The following KCNJ16 variants were observed in gnomAD, a reference collection of about 807,000 sequenced individuals.
KCNJ16 encodes inward rectifier potassium channel 16.
Under a neutral mutation model 18.5 loss-of-function variants are expected in KCNJ16, and 15 were observed. The observed-to-expected ratio is 0.81, with a 90% CI of 0.54 to 1.25. KCNJ16 has a LOEUF of 1.25. Ranked by LOEUF, KCNJ16 falls within the 50% of genes most tolerant of loss-of-function variation. The probability of loss-of-function intolerance (pLI) is 0.00; values close to 1 mark genes in which losing one functional copy is unlikely to be tolerated. For missense variants in KCNJ16, 523 were observed against 525.7 expected, an observed-to-expected ratio of 0.99 and a Z score of 0.05; for synonymous variants, 174 against 186.5, an observed-to-expected ratio of 0.93 and a Z score of 0.55.
chr17:70,092,557 GATGATAGAT>G (rs72019629), intron 1 of KCNJ16, among the ~76,000 whole-genome samples: 2,330 of 74,284 alleles, frequency 0.031, 63 homozygotes, highest in East Asian at 0.036. Flanking sequence ...GATATAGATA[GATGATAGAT>G]ATAGATAGAT....
intron 2 of KCNJ16, 26 bp downstream of exon 2, chr17:70,100,792 T>C (rs907160387): frequency 6.6e-6 from 1 of 152,194 alleles, no homozygotes; most frequent in South Asian, 2.1e-4. Flanking sequence ...AATTTTAACA[T>C]GATTCTCCGA....
chr17:70,075,702 T>C (rs2071276060), intron 1 of KCNJ16, among the ~76,000 whole-genome samples: 1 of 152,178 alleles, frequency 6.6e-6, no homozygotes. Flanking sequence ...ATTATATTCA[T>C]ACCACATGGA....
intron 2 of KCNJ16, among the ~76,000 whole-genome samples, chr17:70,117,434 A>AC (rs766952138): frequency 2.6e-5 from 4 of 152,106 alleles, no homozygotes; most frequent in Non-Finnish European, 4.4e-5. Flanking sequence ...TTCGACATGG[A>AC]CCCCAGAATT....
At chr17:70,100,217 C>T (rs144794769) in intron 1 of KCNJ16, among the ~76,000 whole-genome samples, 3 of 152,284 alleles carry the variant, frequency 2.0e-5, no homozygotes, top group East Asian at 1.9e-4. Context: ...TAAGAAAAAT[C>T]GGTAAAACTT....
chr17:70,082,107 G>C (rs766321989), intron 1 of KCNJ16, among the ~76,000 whole-genome samples: 3 of 152,134 alleles, frequency 2.0e-5, no homozygotes, highest in Non-Finnish European at 4.4e-5. Flanking sequence ...CTGACATTGG[G>C]AAAGTCAAAG....
In KCNJ16 at chr17:70,100,751, G is replaced by A. The variant is rs1300017597; in HGVS notation, c.-206G>A. 1 of 152,144 alleles carries A rather than the reference G, an allele frequency of 6.6e-6. No individual in the cohort carries two copies. The allele number at this position is 152,144 out of a possible 1,614,324, so 9.4% of individuals were successfully genotyped here. On this transcript the variant is annotated 5_prime_UTR_variant, in exon 2 of 4. Transcript: ENST00000392671. The stretch of plus-strand genomic sequence containing the variant: ...TATCTCAATTCTTAACTGCTGTGTT[G>A]CCTCTCACTTTAAAGGTAAGAAATT...
chr17:70,090,776 G>A (rs111257019), intron 1 of KCNJ16, among the ~76,000 whole-genome samples: 18 of 150,824 alleles, frequency 1.2e-4, no homozygotes, highest in African/African-American at 2.9e-4. Context: ...TCACAATACC[G>A]CTAACCCACT....
At chr17:70,126,228 C>T (rs1017712781) in intron 2 of KCNJ16, among the ~76,000 whole-genome samples, 1 of 152,160 alleles carries the variant, frequency 6.6e-6, no homozygotes, top group Admixed American at 6.5e-5. Context: ...CTTAAGATAT[C>T]AGGACATCAG....
intron 2 of KCNJ16, among the ~76,000 whole-genome samples, chr17:70,117,162 G>A (rs537153872): frequency 2.6e-5 from 4 of 152,268 alleles, no homozygotes; most frequent in East Asian, 3.9e-4. Flanking sequence ...CAACATTTAC[G>A]TAGCTGAAGG....
At position 70,134,415 on chromosome 17, in the gene KCNJ16, C is replaced by G. The variant is rs1208826298; in HGVS notation, c.*1071C>G. ...GACTCGAGTTGTGGATTGCAAGAAACTCTTTTATTAAACTTGGAACAACCA... is the reference window on the plus strand; with the variant it reads ...GACTCGAGTTGTGGATTGCAAGAAAGTCTTTTATTAAACTTGGAACAACCA... On this transcript the variant is annotated 3_prime_UTR_variant, in exon 4 of 4. Coordinates refer to ENST00000392671, the MANE Select transcript of KCNJ16 (RefSeq NM_170741.4). The G allele has an allele frequency of 6.0e-6, 1 of 167,010 alleles. No individual in the cohort carries two copies. The highest frequency in any genetic ancestry group is 1.9e-4 in the East Asian group (1 of 5,198). The allele number at this position is 167,010 out of a possible 1,614,324, so 10.3% of individuals were successfully genotyped here. A position where few individuals can be genotyped will look rare whatever the true frequency, so the allele number is the denominator to read the frequency against.
At chr17:70,083,228 ATATAT>A (rs1196028521) in intron 1 of KCNJ16, among the ~76,000 whole-genome samples, 11 of 148,726 alleles carry the variant, frequency 7.4e-5, no homozygotes, top group African/African-American at 2.2e-4. Context: ...GTAAAGAGAT[ATATAT>A]TATAATATAT....
At chr17:70,123,518 T>A (rs1017038063) in intron 2 of KCNJ16, among the ~76,000 whole-genome samples, 2 of 151,938 alleles carry the variant, frequency 1.3e-5, no homozygotes, top group African/African-American at 4.8e-5. Flanking sequence ...AGGAGAGAGA[T>A]TTATTGAAGT....
chr17:70,086,089 T>C (rs1200647387), intron 1 of KCNJ16, among the ~76,000 whole-genome samples: 3 of 152,182 alleles, frequency 2.0e-5, no homozygotes, highest in African/African-American at 7.2e-5. Context: ...TCGACAGGTT[T>C]CTTTAGTTTA....
intron 1 of KCNJ16, among the ~76,000 whole-genome samples, chr17:70,077,587 T>C (rs4436822): frequency 0.9 from 137,537 of 152,172 alleles, 62,285 homozygotes; most frequent in East Asian, 1. Flanking sequence ...AGACAGGAAA[T>C]TAAGAAATCT....
At position 70,117,312 on chromosome 17, in the gene KCNJ16, G is replaced by A. The variant is rs74555068; in HGVS notation, c.-190-13567G>A. Among the ~76,000 whole-genome samples, 47 of 152,128 alleles carry A rather than the reference G, an allele frequency of 3.1e-4. 1 individual carries two copies. The East Asian group carries it at 8.5e-3, about 28-fold the overall frequency. ...ACCGAGGACTACTAGAAGGGAGAGC[G>A]GGCAGGGCTTCAAGGTTTGGAAAAC... On this transcript the variant is annotated intron_variant, in intron 2 of 3. Coordinates refer to ENST00000392671, the MANE Select transcript of KCNJ16 (RefSeq NM_170741.4).
rs1017592888 is a variant in KCNJ16 at position 70,134,495 on chromosome 17, G to GT, written c.*1152dup. The GT allele has an allele frequency of 1.2e-5, 2 of 167,012 alleles. No individual in the cohort carries two copies. Among genetic ancestry groups the GT allele is most frequent in the African/African-American group, 4.8e-5 (2 of 41,464 alleles). The allele number at this position is 167,012 out of a possible 1,614,324, so 10.3% of individuals were successfully genotyped here. Reference sequence around the variant, plus strand: ...TCAATTAAAGCGATTTGAATGCACAGTAAGTGGATAATCTGAGTACAATGA... The same window carrying GT: ...TCAATTAAAGCGATTTGAATGCACAGTTAAGTGGATAATCTGAGTACAATGA... On this transcript the variant is annotated 3_prime_UTR_variant, in exon 4 of 4. Transcript: ENST00000392671.
In KCNJ16 at chr17:70,106,751, A is replaced by G. The variant is rs558118924; in HGVS notation, c.-191+5985A>G. Among the ~76,000 whole-genome samples, 29 of 152,206 alleles carry G rather than the reference A, an allele frequency of 1.9e-4. No homozygotes were observed. In the East Asian group the frequency reaches 5.0e-3, roughly 26 times the overall value. Reference sequence around the variant, plus strand: ...GGACCTTGCCTGTCTGGTAAGCCCAATCTCTGCAGGTCAGCCATGCAGCTG... The same window carrying G: ...GGACCTTGCCTGTCTGGTAAGCCCAGTCTCTGCAGGTCAGCCATGCAGCTG... On this transcript the variant is annotated intron_variant, in intron 2 of 3. Transcript: ENST00000392671.
rs980208049 is a variant in KCNJ16 at position 70,100,658 on chromosome 17, A to T, written c.-299A>T. On this transcript the variant is annotated splice_region_variant and 5_prime_UTR_variant, in exon 2 of 4. Transcript: ENST00000392671. ...TATTTCTATTATCTTCCTTTTACAG[A>T]ATGGGGGATTGAGGCACAGAGTGTT... is the stretch of plus-strand genomic sequence containing the variant. 5 of 152,260 alleles carry T rather than the reference A, an allele frequency of 3.3e-5. No individual in the cohort carries two copies. The highest frequency in any genetic ancestry group is 3.4e-3 in the Middle Eastern group (1 of 294). 9.4% of individuals were successfully genotyped at this position (152,260 alleles called of 1,614,324 possible).
intron 2 of KCNJ16, among the ~76,000 whole-genome samples, chr17:70,127,250 T>C (rs2073886865): frequency 6.6e-6 from 1 of 151,720 alleles, no homozygotes; most frequent in Admixed American, 6.6e-5. Flanking sequence ...AAGCTGAGAA[T>C]GCCATTGACT....
Sources: allele counts gnomAD v4.1 joint callset (sites outside exome capture counted in the v4.1 genomes callset), GRCh38; gene constraint gnomAD v4.1.1; transcripts MANE v1.5; gene names NCBI Gene and HGNC (gene_info 2026-07-23, HGNC 2026-07-21).